Variants in CDYL2 observed in about 807,000 individuals in gnomAD.
CDYL2 encodes the protein chromodomain Y-like protein 2.
CDYL2 carries 23 observed loss-of-function variants against 49.4 expected under a neutral mutation model. The ratio of observed to expected loss-of-function variants is 0.47; its 90% CI spans 0.34 to 0.66. The LOEUF is 0.66. Among genes scored for constraint, CDYL2 ranks in the 30% least tolerant of loss-of-function variants. The pLI is 0.01. For missense variants in CDYL2, 678 were observed against 656.4 expected, an observed-to-expected ratio of 1.03 and a Z score of -0.36; for synonymous variants, 360 against 268.8, an observed-to-expected ratio of 1.34 and a Z score of -3.32.
intron 4 of CDYL2, 102 bp downstream of exon 4, chr16:80,620,661 A>T: frequency 8.9e-7 from 1 of 1,125,076 alleles, no homozygotes; most frequent in Non-Finnish European, 1.2e-6. Flanking sequence ...CTAAAAATAA[A>T]ATTCCTGGTT....
intron 2 of CDYL2, among the ~76,000 whole-genome samples, chr16:80,648,348 G>T (rs1360714620): frequency 6.6e-6 from 1 of 152,048 alleles, no homozygotes; most frequent in Non-Finnish European, 1.5e-5. Flanking sequence ...AAATTCAAAG[G>T]ATCATCAGTG....
At chr16:80,627,002 A>G (rs1261526433) in intron 3 of CDYL2, among the ~76,000 whole-genome samples, 1 of 152,094 alleles carries the variant, frequency 6.6e-6, no homozygotes, top group African/African-American at 2.4e-5. Context: ...CATGCTAACC[A>G]TCCTTTACTT....
chr16:80,661,924 G>A (rs542576700), intron 2 of CDYL2, among the ~76,000 whole-genome samples: 1 of 152,294 alleles, frequency 6.6e-6, no homozygotes, highest in Admixed American at 6.5e-5. Context: ...GCTTAACCCA[G>A]TGTTCATCCA....
At chr16:80,605,931 A>C (rs939261798) in intron 6 of CDYL2, among the ~76,000 whole-genome samples, 1 of 152,334 alleles carries the variant, frequency 6.6e-6, no homozygotes, top group African/African-American at 2.4e-5. Flanking sequence ...CTGCCTGACC[A>C]CTCATGGGTA....
intron 2 of CDYL2, among the ~76,000 whole-genome samples, chr16:80,663,533 A>G (rs1281500477): frequency 1.3e-5 from 2 of 152,224 alleles, no homozygotes; most frequent in African/African-American, 4.8e-5. Context: ...TTCTCAGATT[A>G]TCTAATCACT....
At chr16:80,627,540 C>A (rs973173436) in intron 3 of CDYL2, 5 of 152,190 alleles carry the variant, frequency 3.3e-5, no homozygotes, top group African/African-American at 1.2e-4. Context: ...GTTTATATCT[C>A]TTTTCTTTCC....
chr16:80,744,623 A>G (rs1905862230), intron 1 of CDYL2, among the ~76,000 whole-genome samples: 1 of 152,218 alleles, frequency 6.6e-6, no homozygotes, highest in South Asian at 2.1e-4. Context: ...CTGAGGCTCT[A>G]GGAGGTTAAG....
intron 1 of CDYL2, among the ~76,000 whole-genome samples, chr16:80,782,864 G>C (rs529325152): frequency 1.3e-5 from 2 of 152,106 alleles, no homozygotes; most frequent in South Asian, 4.2e-4. Context: ...CATCATAAAA[G>C]ATAATTAAGA....
rs372473599 is a variant in CDYL2, at chr16:80,654,514, G to C, written c.617-21278C>G. ...GAAGGCAAGGCCACTGGCACACTCA[G>C]AGCCCAGCGCTGCATAACACCCGTG... is the stretch of plus-strand genomic sequence containing the variant. On this transcript the variant is annotated intron_variant, in intron 2 of 6. Coordinates refer to ENST00000570137, the MANE Select transcript of CDYL2 (RefSeq NM_152342.4). 3.9e-5 allele frequency among the ~76,000 whole-genome samples: 6 copies of C among 152,320 alleles called. No homozygotes were observed. In the East Asian group the frequency reaches 5.8e-4, roughly 15 times the overall value.
chr16:80,733,696 CTAAAGA>C (rs960978145), intron 1 of CDYL2, among the ~76,000 whole-genome samples: 4 of 152,096 alleles, frequency 2.6e-5, no homozygotes, highest in Non-Finnish European at 4.4e-5. Context: ...CATAGGTGCT[CTAAAGA>C]TAAAGTAATG....
intron 2 of CDYL2, among the ~76,000 whole-genome samples, chr16:80,647,823 C>T (rs1226067487): frequency 6.6e-6 from 1 of 152,088 alleles, no homozygotes; most frequent in African/African-American, 2.4e-5. Flanking sequence ...AAATATCAAG[C>T]ATCTTCTTCT....
intron 4 of CDYL2, among the ~76,000 whole-genome samples, chr16:80,618,260 CCAGTTTGGGCCT>C (rs57830473): frequency 0.072 from 10,978 of 152,242 alleles, 1,307 homozygotes; most frequent in African/African-American, 0.25. Flanking sequence ...AAGTCAGGAG[CCAGTTTGGGCCT>C]CAGGCCCCAG....
intron 2 of CDYL2, among the ~76,000 whole-genome samples, chr16:80,676,961 GTATTTT>G (rs1909770478): frequency 1.8e-5 from 2 of 110,518 alleles, no homozygotes; most frequent in Non-Finnish European, 3.7e-5. Flanking sequence ...CCAATTCAAT[GTATTTT>G]TTTTTTTTTT....
intron 1 of CDYL2, among the ~76,000 whole-genome samples, chr16:80,694,942 T>C (rs1368515612): frequency 6.6e-6 from 1 of 152,198 alleles, no homozygotes; most frequent in Non-Finnish European, 1.5e-5. Flanking sequence ...TGGCCAAAAC[T>C]GGAACAATCT....
Position 80,672,352 on chromosome 16 carries a change from C to CAG in CDYL2, c.616+12184_616+12185dup, listed in dbSNP as rs1555528924. Among the ~76,000 whole-genome samples the CAG allele has an allele frequency of 2.4e-3, 277 of 117,830 alleles. 2 individuals carry two copies. The highest frequency in any genetic ancestry group is 7.4e-3 in the African/African-American group (235 of 31,970). 77.3% of individuals were successfully genotyped at this position (117,830 alleles called of 152,430 possible). Reference sequence around the variant, plus strand: ...ACACACACACACACACACACACACACAGAGAGAGAGAGAGAGATGAGTAGA... The same window carrying CAG: ...ACACACACACACACACACACACACACAGAGAGAGAGAGAGAGAGATGAGTAGA... On this transcript the variant is annotated intron_variant, in intron 2 of 6. Transcript: ENST00000570137.
chr16:80,738,734 G>A (rs1311654709), intron 1 of CDYL2: 2 of 152,194 alleles, frequency 1.3e-5, no homozygotes, highest in African/African-American at 2.4e-5. Flanking sequence ...TCACTGACTT[G>A]TACACTTTCA....
intron 2 of CDYL2, among the ~76,000 whole-genome samples, chr16:80,672,640 G>A (rs565285665): frequency 2.4e-4 from 37 of 151,878 alleles, no homozygotes; most frequent in African/African-American, 7.5e-4. Flanking sequence ...GAAGAAAGAG[G>A]ACCACAATTC....
At position 80,612,520 on chromosome 16, in the gene CDYL2, C is replaced by T; in HGVS notation, c.1218+106G>A. 2 of 1,152,646 alleles carry T rather than the reference C, an allele frequency of 1.7e-6. No homozygotes were observed. Among genetic ancestry groups the T allele is most frequent in the East Asian group, 2.4e-5 (1 of 41,890 alleles). The allele number at this position is 1,152,646 out of a possible 1,614,324, so 71.4% of individuals were successfully genotyped here. On this transcript the variant is annotated intron_variant, in intron 5 of 6. Transcript: ENST00000570137. This position sits in a 1 kb window ranked among gnomAD's most constrained non-coding sequence, Gnocchi z 5.0. ...GACATGAGGCAGCCAAGCCAATCTG[C>T]AGGCTGACAACACCCTCAGGTTTCT... is the stretch of plus-strand genomic sequence containing the variant.
intron 1 of CDYL2, among the ~76,000 whole-genome samples, chr16:80,767,701 G>A (rs1906772003): frequency 6.6e-6 from 1 of 152,204 alleles, no homozygotes; most frequent in African/African-American, 2.4e-5. Context: ...TGTCTATGCA[G>A]TCACAGGATG....
Sources: allele counts gnomAD v4.1 joint callset (sites outside exome capture counted in the v4.1 genomes callset), GRCh38; gene constraint gnomAD v4.1.1; non-coding constraint Gnocchi (gnomAD v3.1); transcripts MANE v1.5; gene names NCBI Gene and HGNC (gene_info 2026-07-23, HGNC 2026-07-21).